Variants in PARD3 observed in about 807,000 individuals in gnomAD.
PARD3 encodes the protein partitioning defective 3 homolog.
PARD3 carries 75 observed loss-of-function variants against 155.4 expected under a neutral mutation model. The observed-to-expected ratio is 0.48, with a 90% CI of 0.40 to 0.58. The LOEUF (loss-of-function observed/expected upper bound fraction) is 0.58. Ranked by LOEUF, PARD3 falls within the 20% of genes least tolerant of loss-of-function variation. PARD3 has a pLI of 0.00. For missense variants in PARD3, 1,642 were observed against 1,721.7 expected (o/e 0.95, Z 0.82); for synonymous variants, 576 against 610.5 (o/e 0.94, Z 0.83).
intron 3 of PARD3, among the ~76,000 whole-genome samples, chr10:34,491,203 G>A (rs2079880635): frequency 6.6e-6 from 1 of 152,080 alleles, no homozygotes; most frequent in South Asian, 2.1e-4. Flanking sequence ...AGTGGTCACA[G>A]GATCATCCAA....
intron 2 of PARD3, among the ~76,000 whole-genome samples, chr10:34,536,467 G>A (rs2083240152): frequency 6.6e-6 from 1 of 152,162 alleles, no homozygotes; most frequent in African/African-American, 2.4e-5. Flanking sequence ...AAGTATCCAA[G>A]TGGGAAAAGG....
intron 2 of PARD3, among the ~76,000 whole-genome samples, chr10:34,563,455 C>G (rs868505080): frequency 1.8e-4 from 27 of 152,128 alleles, no homozygotes; most frequent in South Asian, 2.1e-4. Context: ...CAACCTCCAC[C>G]TCCCGGGTTC....
chr10:34,227,603 A>G (rs1031548033), intron 22 of PARD3, among the ~76,000 whole-genome samples: 3 of 152,184 alleles, frequency 2.0e-5, no homozygotes, highest in Non-Finnish European at 4.4e-5. Flanking sequence ...GCGCCATTGC[A>G]CGCCAGCCTG....
At chr10:34,543,104 T>C (rs1308099425) in intron 2 of PARD3, among the ~76,000 whole-genome samples, 1 of 151,704 alleles carries the variant, frequency 6.6e-6, no homozygotes, top group Admixed American at 6.6e-5. Context: ...TAAAGGCTTT[T>C]TTTTTTCCAA....
intron 1 of PARD3, among the ~76,000 whole-genome samples, chr10:34,744,638 G>A (rs977718938): frequency 5.9e-5 from 9 of 152,334 alleles, no homozygotes; most frequent in African/African-American, 2.2e-4. Context: ...GAATCATAGC[G>A]TTTACAAGGG....
chr10:34,601,895 G>GA (rs2132506461), intron 2 of PARD3, among the ~76,000 whole-genome samples: 1 of 152,122 alleles, frequency 6.6e-6, no homozygotes, highest in East Asian at 1.9e-4. Flanking sequence ...CCAGAAGCGG[G>GA]AAAAAATTGC....
intron 2 of PARD3, among the ~76,000 whole-genome samples, chr10:34,542,795 A>G (rs1216079594): frequency 6.6e-6 from 1 of 152,246 alleles, no homozygotes; most frequent in Admixed American, 6.5e-5. Flanking sequence ...CAATTTTAAA[A>G]AGATGGAACA....
intron 18 of PARD3, among the ~76,000 whole-genome samples, chr10:34,335,236 T>C (rs903160395): frequency 6.6e-5 from 10 of 151,988 alleles, no homozygotes; most frequent in African/African-American, 2.4e-4. Flanking sequence ...GTTTTTACAA[T>C]CTATCTTATA....
chr10:34,214,860 C>T lies in PARD3; in HGVS notation c.3419+54797G>A, dbSNP rs1478952956. On this transcript the variant is annotated intron_variant, in intron 22 of 24. Coordinates refer to ENST00000374788, the MANE Select transcript of PARD3 (RefSeq NM_001184785.2). The stretch of plus-strand genomic sequence containing the variant: ...AAGACTATGAGAGGAATTCTCAGTA[C>T]TTCGAAGAGTCTAGGCCCCTTGAAA... 1.4e-4 allele frequency among the ~76,000 whole-genome samples: 21 copies of T among 152,048 alleles called. 1 individual carries two copies. The highest frequency in any genetic ancestry group is 1.4e-3 in the Admixed American group (21 of 15,268).
intron 1 of PARD3, among the ~76,000 whole-genome samples, chr10:34,750,070 C>A (rs890262395): frequency 3.0e-5 from 4 of 135,018 alleles, no homozygotes; most frequent in African/African-American, 8.3e-5. Flanking sequence ...CACACACACA[C>A]AAAACCCGCA....
At chr10:34,336,109 T>A in intron 18 of PARD3, 90 bp downstream of exon 18, 1 of 897,194 alleles carries the variant, frequency 1.1e-6, no homozygotes, top group East Asian at 2.5e-5. Context: ...AATATGTATG[T>A]TTACATGGCA....
chr10:34,265,091 A>G (rs1290025019), intron 22 of PARD3, among the ~76,000 whole-genome samples: 1 of 152,208 alleles, frequency 6.6e-6, no homozygotes, highest in East Asian at 1.9e-4. Flanking sequence ...TGTTATTCAT[A>G]TCAAACACAA....
intron 7 of PARD3, among the ~76,000 whole-genome samples, chr10:34,393,104 G>A (rs1243861696): frequency 6.7e-6 from 1 of 149,068 alleles, no homozygotes; most frequent in African/African-American, 2.5e-5. Context: ...TCTTTGATCT[G>A]AGATATCAAA....
At chr10:34,682,668 G>T (rs1278042146) in intron 2 of PARD3, among the ~76,000 whole-genome samples, 1 of 152,132 alleles carries the variant, frequency 6.6e-6, no homozygotes, top group African/African-American at 2.4e-5. Flanking sequence ...GCTGCACTGA[G>T]CTAGGATCAC....
chr10:34,811,452 G>A (rs985636909), intron 1 of PARD3, among the ~76,000 whole-genome samples: 1 of 152,084 alleles, frequency 6.6e-6, no homozygotes, highest in Non-Finnish European at 1.5e-5. Flanking sequence ...CTGCAGGCAG[G>A]TGCCTCACCC....
intron 5 of PARD3, among the ~76,000 whole-genome samples, chr10:34,429,665 A>G (rs2075805132): frequency 6.6e-6 from 1 of 152,086 alleles, no homozygotes. Flanking sequence ...AGTTCACCAC[A>G]ACCTCCGCCT....
chr10:34,681,098 T>C (rs1357062122), intron 2 of PARD3, among the ~76,000 whole-genome samples: 2 of 152,058 alleles, frequency 1.3e-5, no homozygotes, highest in South Asian at 2.1e-4. Flanking sequence ...TGTTATACGA[T>C]GCAATATTAC....
intron 2 of PARD3, among the ~76,000 whole-genome samples, chr10:34,540,932 T>C (rs981029523): frequency 6.6e-6 from 1 of 152,224 alleles, no homozygotes; most frequent in Non-Finnish European, 1.5e-5. Flanking sequence ...CAATGACCCA[T>C]TTCTGAATTG....
chr10:34,362,392 T>C (rs548641580), intron 12 of PARD3, among the ~76,000 whole-genome samples: 2 of 152,288 alleles, frequency 1.3e-5, no homozygotes, highest in African/African-American at 4.8e-5. Flanking sequence ...ATCAAATATA[T>C]CAAATACTTT....
Sources: allele counts gnomAD v4.1 joint callset (sites outside exome capture counted in the v4.1 genomes callset), GRCh38; gene constraint gnomAD v4.1.1; transcripts MANE v1.5; gene names NCBI Gene and HGNC (gene_info 2026-07-23, HGNC 2026-07-21).